Variants in AGBL4 observed in about 807,000 individuals in gnomAD.
The protein encoded by AGBL4 is AGBL carboxypeptidase 4.
AGBL4 carries 58 observed loss-of-function variants against 66.4 expected under a neutral mutation model. That is an observed-to-expected ratio of 0.87 (90% CI 0.71 to 1.09). The LOEUF (loss-of-function observed/expected upper bound fraction) is 1.09, where lower values mean the gene tolerates loss of function less well. Ranked by LOEUF, AGBL4 falls within the 50% of genes least tolerant of loss-of-function variation. The pLI is 0.00. For synonymous variants in AGBL4, 234 were observed against 222.9 expected (o/e 1.05, Z -0.44); for missense variants, 579 against 631.0 (o/e 0.92, Z 0.88).
chr1:49,741,798 A>G (rs1212198394), intron 2 of AGBL4, among the ~76,000 whole-genome samples: 2 of 152,152 alleles, frequency 1.3e-5, no homozygotes, highest in African/African-American at 4.8e-5. Flanking sequence ...AAAGACAAAA[A>G]CCATATGATT....
chr1:49,136,248 T>A (rs114651203), intron 4 of AGBL4, among the ~76,000 whole-genome samples: 1 of 152,160 alleles, frequency 6.6e-6, no homozygotes, highest in Non-Finnish European at 1.5e-5. Flanking sequence ...TGTAGATAAT[T>A]TGAAAAGGAA....
intron 5 of AGBL4, among the ~76,000 whole-genome samples, chr1:49,002,074 T>C (rs77499448): frequency 0.019 from 2,963 of 152,304 alleles, 43 homozygotes; most frequent in Non-Finnish European, 0.027. Flanking sequence ...TTCTTTTTAC[T>C]ACAAAGAAAC....
chr1:49,141,816 G>A (rs1455820057), intron 4 of AGBL4, among the ~76,000 whole-genome samples: 1 of 152,176 alleles, frequency 6.6e-6, no homozygotes, highest in East Asian at 1.9e-4. Context: ...CGATGACTAT[G>A]AAAACTGTGC....
At chr1:49,818,554 T>C (rs952379822) in intron 2 of AGBL4, among the ~76,000 whole-genome samples, 39 of 151,918 alleles carry the variant, frequency 2.6e-4, no homozygotes, top group African/African-American at 9.2e-4. Flanking sequence ...TTTTGTAGAG[T>C]TGGAGTCTCC....
At chr1:49,945,805 T>C (rs1288375559) in intron 1 of AGBL4, among the ~76,000 whole-genome samples, 1 of 152,042 alleles carries the variant, frequency 6.6e-6, no homozygotes, top group Non-Finnish European at 1.5e-5. Context: ...AACAATCTGC[T>C]GCCTTCAAGA....
At position 49,208,079 on chromosome 1, in the gene AGBL4, T is replaced by C. The variant is rs1198502385; in HGVS notation, c.377+37691A>G. 4.6e-5 allele frequency among the ~76,000 whole-genome samples: 7 copies of C among 152,108 alleles called. No individual in the cohort carries two copies. In the East Asian group the frequency reaches 9.7e-4, roughly 21 times the overall value. Reference sequence around the variant, plus strand: ...TGAGAGGGATTATATGTATTATATATACATTTCATTTAATTCTTACAACTA... The same window carrying C: ...TGAGAGGGATTATATGTATTATATACACATTTCATTTAATTCTTACAACTA... On this transcript the variant is annotated intron_variant, in intron 4 of 13. Transcript: ENST00000371839.
chr1:49,699,847 A>G (rs1399736562), intron 2 of AGBL4, among the ~76,000 whole-genome samples: 31 of 151,954 alleles, frequency 2.0e-4, no homozygotes, highest in East Asian at 1.9e-4. Context: ...AGTTAATAAT[A>G]TTATATATCA....
rs112909925 is a variant in AGBL4, at chr1:49,164,525, G to A, written c.377+81245C>T. Among the ~76,000 whole-genome samples the A allele has an allele frequency of 1.1e-4, 16 of 152,042 alleles. No individual in the cohort carries two copies. The East Asian group carries it at 2.9e-3, about 28-fold the overall frequency. ...TAGATAGGGTATGATAAGTGACAAA[G>A]GCATATGAAAAAGAGATCCCAAAGG... On this transcript the variant is annotated intron_variant, in intron 4 of 13. Transcript: ENST00000371839.
chr1:49,701,032 C>T (rs1647081251), intron 2 of AGBL4, among the ~76,000 whole-genome samples: 1 of 151,708 alleles, frequency 6.6e-6, no homozygotes, highest in African/African-American at 2.4e-5. Context: ...CAAAGCTCAC[C>T]AAGAAGAAAT....
intron 3 of AGBL4, among the ~76,000 whole-genome samples, chr1:49,651,025 C>T (rs1384691981): frequency 2.6e-5 from 4 of 152,164 alleles, no homozygotes; most frequent in Admixed American, 6.6e-5. Context: ...AGAGCAGTAG[C>T]GTCCTAGCAA....
At chr1:49,735,296 G>GGGGGGTGT in intron 2 of AGBL4, among the ~76,000 whole-genome samples, 1 of 127,390 alleles carries the variant, frequency 7.8e-6, no homozygotes, top group East Asian at 2.2e-4. Context: ...GAGGTGTGTG[G>GGGGGGTGT]GTGTGTGTGT....
At chr1:49,114,590 T>G (rs1183609050) in intron 4 of AGBL4, among the ~76,000 whole-genome samples, 5 of 152,242 alleles carry the variant, frequency 3.3e-5, no homozygotes. Context: ...TCTTTCTTCC[T>G]AACTCAGCTT....
intron 1 of AGBL4, among the ~76,000 whole-genome samples, chr1:49,960,213 C>T (rs149071606): frequency 6.6e-6 from 1 of 152,060 alleles, no homozygotes; most frequent in Admixed American, 6.6e-5. Flanking sequence ...TGTATATATA[C>T]ACAATGAAGT....
chr1:49,993,262 T>A (rs1285861275), intron 1 of AGBL4, among the ~76,000 whole-genome samples: 3 of 152,254 alleles, frequency 2.0e-5, no homozygotes, highest in African/African-American at 4.8e-5. Context: ...AAAGGTAGAT[T>A]ACATTTAAGG....
chr1:48,592,727 G>T (rs896474577), intron 9 of AGBL4, among the ~76,000 whole-genome samples: 10 of 152,158 alleles, frequency 6.6e-5, no homozygotes, highest in African/African-American at 2.4e-4. Context: ...GAGCTAGAGA[G>T]GCCCTTGGAA....
chr1:48,986,250 G>A (rs1352815516), intron 5 of AGBL4, among the ~76,000 whole-genome samples: 1 of 151,988 alleles, frequency 6.6e-6, no homozygotes, highest in Non-Finnish European at 1.5e-5. Context: ...AAAAATGTCT[G>A]TGGAAATAAT....
chr1:48,841,926 C>G (rs1432860711), intron 6 of AGBL4, among the ~76,000 whole-genome samples: 1 of 152,150 alleles, frequency 6.6e-6, no homozygotes, highest in Non-Finnish European at 1.5e-5. Context: ...TGGGCACATG[C>G]AAATGACATG....
chr1:49,981,555 A>AAT (rs906097843), intron 1 of AGBL4, among the ~76,000 whole-genome samples: 5 of 151,836 alleles, frequency 3.3e-5, no homozygotes, highest in Admixed American at 6.6e-5. Context: ...TATGTATATA[A>AAT]ATATATATAT....
chr1:48,570,902 G>A (rs1053674631), intron 11 of AGBL4, among the ~76,000 whole-genome samples: 15 of 152,094 alleles, frequency 9.9e-5, no homozygotes, highest in African/African-American at 3.4e-4. Flanking sequence ...CTTTAAAACT[G>A]GTCATCTGGC....
Sources: allele counts gnomAD v4.1 joint callset (sites outside exome capture counted in the v4.1 genomes callset), GRCh38; gene constraint gnomAD v4.1.1; transcripts MANE v1.5; gene names NCBI Gene and HGNC (gene_info 2026-07-23, HGNC 2026-07-21).